Variants in DIAPH3 observed in about 807,000 individuals in gnomAD.
DIAPH3 encodes the protein protein diaphanous homolog 3.
Under a neutral mutation model 144.3 loss-of-function variants are expected in DIAPH3, and 117 were observed. The ratio of observed to expected loss-of-function variants is 0.81; its 90% CI spans 0.70 to 0.95. The LOEUF (loss-of-function observed/expected upper bound fraction) is 0.95. DIAPH3 is among the 40% of genes least tolerant of loss of function. The pLI is 0.00. For synonymous variants in DIAPH3, 519 were observed against 488.9 expected (o/e 1.06, Z -0.81); for missense variants, 1,421 against 1,412.7 (o/e 1.01, Z -0.09).
At chr13:59,886,694 A>G (rs1215310108) in intron 20 of DIAPH3, among the ~76,000 whole-genome samples, 1 of 152,056 alleles carries the variant, frequency 6.6e-6, no homozygotes, top group Non-Finnish European at 1.5e-5. Context: ...AATGTATCCC[A>G]AAGTATTTTT....
chr13:60,023,710 A>G (rs550826879), intron 5 of DIAPH3, among the ~76,000 whole-genome samples: 1 of 152,134 alleles, frequency 6.6e-6, no homozygotes, highest in Non-Finnish European at 1.5e-5. Flanking sequence ...CTGGGATTAC[A>G]GGCGTGAGCC....
At chr13:60,105,965 A>G (rs532998103) in intron 3 of DIAPH3, among the ~76,000 whole-genome samples, 1 of 152,324 alleles carries the variant, frequency 6.6e-6, no homozygotes, top group Admixed American at 6.5e-5. Context: ...AGTAATAGCT[A>G]TGCATAAATC....
At chr13:59,689,790 A>AGTGTGT (rs57544810) in intron 27 of DIAPH3, among the ~76,000 whole-genome samples, 3,716 of 149,944 alleles carry the variant, frequency 0.025, 70 homozygotes, top group Non-Finnish European at 0.032. Flanking sequence ...TGTATTAAGC[A>AGTGTGT]GTGTGTGTGT....
intron 25 of DIAPH3, among the ~76,000 whole-genome samples, chr13:59,775,103 T>A (rs1272479309): frequency 6.6e-6 from 1 of 152,230 alleles, no homozygotes; most frequent in Non-Finnish European, 1.5e-5. Flanking sequence ...ACAGCACAAT[T>A]ACCTTAAATG....
At chr13:60,120,552 T>C (rs879944912) in intron 2 of DIAPH3, among the ~76,000 whole-genome samples, 1 of 152,250 alleles carries the variant, frequency 6.6e-6, no homozygotes, top group Non-Finnish European at 1.5e-5. Flanking sequence ...TAATATTTTG[T>C]CCACATTTAG....
chr13:59,999,415 T>C (rs2044926158), intron 9 of DIAPH3, among the ~76,000 whole-genome samples: 1 of 152,136 alleles, frequency 6.6e-6, no homozygotes, highest in African/African-American at 2.4e-5. Flanking sequence ...TTAAACTTAA[T>C]GAAATCCACA....
At chr13:59,854,315 T>C (rs761269248) in intron 22 of DIAPH3, among the ~76,000 whole-genome samples, 3 of 152,170 alleles carry the variant, frequency 2.0e-5, no homozygotes. Flanking sequence ...TTTCTGTTGT[T>C]TACAGGCACT....
intron 27 of DIAPH3, among the ~76,000 whole-genome samples, chr13:59,716,239 A>G (rs997966748): frequency 6.6e-6 from 1 of 152,108 alleles, no homozygotes; most frequent in African/African-American, 2.4e-5. Flanking sequence ...GCACTGGGGC[A>G]ATCTCGGCTC....
At chr13:59,838,931 A>G (rs575783702) in intron 23 of DIAPH3, 12 of 187,282 alleles carry the variant, frequency 6.4e-5, no homozygotes, top group East Asian at 2.7e-4. Flanking sequence ...GAATATGGTG[A>G]AACCCTGTCT....
chr13:59,976,263 T>C (rs2050676537), intron 14 of DIAPH3, among the ~76,000 whole-genome samples: 1 of 151,956 alleles, frequency 6.6e-6, no homozygotes, highest in African/African-American at 2.4e-5. Flanking sequence ...ATTCCAGAAG[T>C]CCAAATTCCC....
intron 3 of DIAPH3, among the ~76,000 whole-genome samples, chr13:60,097,951 G>A (rs959079371): frequency 1.3e-5 from 2 of 152,090 alleles, no homozygotes; most frequent in East Asian, 1.9e-4. Flanking sequence ...TGGGGGTCAC[G>A]AAGTCCTTAG....
intron 20 of DIAPH3, among the ~76,000 whole-genome samples, chr13:59,910,244 C>A (rs1372890761): frequency 6.6e-6 from 1 of 151,028 alleles, no homozygotes; most frequent in Non-Finnish European, 1.5e-5. Flanking sequence ...TTCACCTATT[C>A]TCTTATGGAA....
In DIAPH3 at chr13:60,163,657, C is replaced by T. The variant is rs1438017353; in HGVS notation, c.110G>A (p.Arg37His). Residue 37 changes from arginine (R) to histidine (H), a missense_variant, in exon 1 of 28, where the codon CGC becomes CAC. Coordinates refer to ENST00000400324, the MANE Select transcript of DIAPH3 (RefSeq NM_001042517.2). ...LRGCRESKMP[R>H]RKGPQHPPPP... is the part of the protein sequence containing the mutation. ...CGGAGGGTGTTGGGGGCCCTTCCTGCGCGGCATCTTGCTTTCCCGGCAGCC... is the reference window on the plus strand; with the variant it reads ...CGGAGGGTGTTGGGGGCCCTTCCTGTGCGGCATCTTGCTTTCCCGGCAGCC... 6.2e-7 allele frequency: 1 copy of T among 1,608,178 alleles called. No individual in the cohort carries two copies. Among genetic ancestry groups the T allele is most frequent in the African/African-American group, 1.3e-5 (1 of 74,948 alleles).
intron 14 of DIAPH3, among the ~76,000 whole-genome samples, chr13:59,978,523 A>G (rs1397794117): frequency 6.6e-6 from 1 of 151,736 alleles, no homozygotes; most frequent in Non-Finnish European, 1.5e-5. Flanking sequence ...TATAAAAACA[A>G]CCACAGTCAT....
chr13:59,884,343 C>G (rs180879791), intron 20 of DIAPH3, among the ~76,000 whole-genome samples: 1 of 152,138 alleles, frequency 6.6e-6, no homozygotes, highest in African/African-American at 2.4e-5. Context: ...TTATATAGTA[C>G]AATGTAATAA....
At chr13:60,091,055 GAACT>G (rs2057912122) in intron 4 of DIAPH3, among the ~76,000 whole-genome samples, 1 of 152,140 alleles carries the variant, frequency 6.6e-6, no homozygotes, top group South Asian at 2.1e-4. Context: ...GAATTAATAT[GAACT>G]ATCATGCCAA....
intron 5 of DIAPH3, among the ~76,000 whole-genome samples, chr13:60,025,405 A>G (rs2054307922): frequency 1.7e-5 from 1 of 60,036 alleles, no homozygotes; most frequent in African/African-American, 7.9e-5. Context: ...TGTGCTTAGC[A>G]AAAAAAAAAA....
At position 60,028,077 on chromosome 13, in the gene DIAPH3, A is replaced by C. The variant is rs183923623; in HGVS notation, c.627-11932T>G. On this transcript the variant is annotated intron_variant, in intron 5 of 27. Transcript: ENST00000400324. ...GAACTGCCTTTGTAACAACTGAAAC[A>C]ATTTCAGCTTTCAAGGCCAATTCAC... Among the ~76,000 whole-genome samples the C allele has an allele frequency of 3.3e-4, 50 of 152,212 alleles. No individual in the cohort carries two copies. The East Asian group carries it at 8.1e-3, about 25-fold the overall frequency.
Position 59,931,748 on chromosome 13 carries a change from G to A in DIAPH3, c.2075-6878C>T, listed in dbSNP as rs139676639. On this transcript the variant is annotated intron_variant, in intron 17 of 27. Transcript: ENST00000400324. ...CAATCAGATAGATGATAATGATGATGTTTATTTAGATAAACGATGGTGATG... is the reference window on the plus strand; with the variant it reads ...CAATCAGATAGATGATAATGATGATATTTATTTAGATAAACGATGGTGATG... Among the ~76,000 whole-genome samples the A allele has an allele frequency of 3.7e-3, 561 of 152,306 alleles. 4 individuals carry two copies. Among genetic ancestry groups the A allele is most frequent in the African/African-American group, 0.013 (538 of 41,574 alleles).
Sources: gnomAD v4.1 joint callset for allele counts (sites outside exome capture counted in the v4.1 genomes callset) on GRCh38, gnomAD v4.1.1 for gene constraint, MANE v1.5 for transcripts, NCBI Gene and HGNC (gene_info 2026-07-23, HGNC 2026-07-21) for gene names.